The following ANKRD12 variants were observed in gnomAD, a reference collection of about 807,000 sequenced individuals.
ANKRD12 encodes ankyrin repeat domain-containing protein 12.
A neutral mutation model predicts 183.4 loss-of-function variants in ANKRD12; 85 were observed. That is an observed-to-expected ratio of 0.46 (90% CI 0.39 to 0.56). The LOEUF (loss-of-function observed/expected upper bound fraction) is 0.56, where lower values mean the gene tolerates loss of function less well. Ranked by LOEUF, ANKRD12 falls within the 20% of genes least tolerant of loss-of-function variation. The probability of loss-of-function intolerance (pLI) is 0.00; values close to 1 mark genes in which losing one functional copy is unlikely to be tolerated. For missense variants in ANKRD12, 2,405 were observed against 2,357.1 expected (o/e 1.02, Z -0.42); for synonymous variants, 914 against 800.2 (o/e 1.14, Z -2.40).
chr18:9,255,883 G>A lies in ANKRD12; in HGVS notation c.2616G>A (p.Lys872=), dbSNP rs1461619524. The change falls in exon 9 of 13, where the codon AAG becomes AAA. Residue 872 remains lysine (K), a synonymous_variant. Coordinates refer to ENST00000262126, the MANE Select transcript of ANKRD12 (RefSeq NM_015208.5). The stretch of plus-strand genomic sequence containing the variant: ...TTGATAAAATAAAAGAAAAGGACAA[G>A]CTATATTCGCATCACACAGAAAAAT... ...ECVDKIKEKD[K]LYSHHTEKCH... is the part of the protein sequence containing the mutation. 2 of 1,595,678 alleles carry A rather than the reference G, an allele frequency of 1.3e-6. No homozygotes were observed. Among genetic ancestry groups the A allele is most frequent in the African/African-American group, 1.4e-5 (1 of 73,802 alleles).
In ANKRD12 at chr18:9,254,281, C is replaced by T; in HGVS notation, c.1014C>T (p.Asp338=). The change falls in exon 9 of 13, where the codon GAC becomes GAT. Residue 338 remains aspartate, a synonymous_variant. Coordinates refer to ENST00000262126, the MANE Select transcript of ANKRD12 (RefSeq NM_015208.5). The stretch of plus-strand genomic sequence containing the variant: ...ATATTGACTCTGAAACAGAGAAAGA[C>T]TCTCTCATCTGTGAAAGTAAACAGA... ...DENIDSETEK[D]SLICESKQIL... The T allele has an allele frequency of 6.2e-7, 1 of 1,610,910 alleles. No individual in the cohort carries two copies. Among genetic ancestry groups the T allele is most frequent in the Non-Finnish European group, 8.5e-7 (1 of 1,178,812 alleles).
chr18:9,193,135 A>AT (rs397751904), intron 2 of ANKRD12, among the ~76,000 whole-genome samples: 17,010 of 128,396 alleles, frequency 0.13, 1,448 homozygotes, highest in Middle Eastern at 0.21. Context: ...TGAGTACAGC[A>AT]TTTTTTTTTT....
intron 7 of ANKRD12, among the ~76,000 whole-genome samples, chr18:9,217,208 T>C (rs996232435): frequency 6.6e-6 from 1 of 152,334 alleles, no homozygotes; most frequent in African/African-American, 2.4e-5. Flanking sequence ...GTAAAAATTG[T>C]ACAGTGTTGA....
intron 8 of ANKRD12, among the ~76,000 whole-genome samples, chr18:9,241,564 T>C (rs539819455): frequency 2.6e-5 from 4 of 152,320 alleles, no homozygotes; most frequent in African/African-American, 9.6e-5. Context: ...CTTTGTCACA[T>C]ATCCCTGTGA....
chr18:9,275,785 GA>G (rs1200570368), intron 11 of ANKRD12, 118 bp downstream of exon 11: 8 of 1,037,682 alleles, frequency 7.7e-6, no homozygotes, highest in East Asian at 2.7e-5. Flanking sequence ...GGTCAAAGAA[GA>G]AAAAAAACTC....
At chr18:9,174,853 C>T (rs1394303869) in intron 1 of ANKRD12, among the ~76,000 whole-genome samples, 1 of 31,554 alleles carries the variant, frequency 3.2e-5, no homozygotes, top group Non-Finnish European at 1.0e-4. Context: ...AATCCCAGTG[C>T]TTTGTGAAAC....
chr18:9,270,142 G>A (rs1233126711), intron 10 of ANKRD12, among the ~76,000 whole-genome samples: 2 of 152,188 alleles, frequency 1.3e-5, no homozygotes, highest in East Asian at 3.8e-4. Context: ...TGGAGAAATA[G>A]GAATACTTTT....
intron 1 of ANKRD12, among the ~76,000 whole-genome samples, chr18:9,166,207 A>G (rs562614831): frequency 3.2e-4 from 48 of 152,336 alleles, no homozygotes; most frequent in African/African-American, 1.2e-3. Flanking sequence ...TTATAGCAGC[A>G]TGATTTGTAA....
At chr18:9,156,137 C>CA (rs34154495) in intron 1 of ANKRD12, among the ~76,000 whole-genome samples, 20,421 of 103,914 alleles carry the variant, frequency 0.2, 2,322 homozygotes, top group African/African-American at 0.27. Flanking sequence ...GACTCTGTCT[C>CA]AAAAAAAAAA....
chr18:9,151,258 G>C (rs558662654), intron 1 of ANKRD12, among the ~76,000 whole-genome samples: 1 of 152,080 alleles, frequency 6.6e-6, no homozygotes, highest in African/African-American at 2.4e-5. Flanking sequence ...GAATTAAGCT[G>C]CTTGTTCGGT....
At chr18:9,190,802 G>C (rs376427079) in intron 2 of ANKRD12, among the ~76,000 whole-genome samples, 1 of 152,160 alleles carries the variant, frequency 6.6e-6, no homozygotes, top group African/African-American at 2.4e-5. Context: ...TTTTAGACAT[G>C]ATAGTATTGC....
intron 1 of ANKRD12, among the ~76,000 whole-genome samples, chr18:9,176,184 C>T (rs941552637): frequency 1.1e-4 from 17 of 152,120 alleles, no homozygotes; most frequent in African/African-American, 4.1e-4. Flanking sequence ...GATAGGTGAA[C>T]ATTTTTGTTT....
At chr18:9,239,183 AT>A (rs1182323376) in intron 8 of ANKRD12, among the ~76,000 whole-genome samples, 1 of 152,236 alleles carries the variant, frequency 6.6e-6, no homozygotes, top group Non-Finnish European at 1.5e-5. Flanking sequence ...GTTAACTGTT[AT>A]GCTATTCTAA....
intron 8 of ANKRD12, among the ~76,000 whole-genome samples, chr18:9,248,495 T>G (rs555516068): frequency 1.3e-5 from 2 of 152,364 alleles, no homozygotes; most frequent in South Asian, 4.1e-4. Context: ...GCTTCACAAT[T>G]GAACAGTCTT....
At chr18:9,191,613 G>C (rs1451331479) in intron 2 of ANKRD12, among the ~76,000 whole-genome samples, 1 of 152,034 alleles carries the variant, frequency 6.6e-6, no homozygotes, top group Non-Finnish European at 1.5e-5. Flanking sequence ...CTGGAGTTTT[G>C]TTGGTTAACC....
chr18:9,187,441 C>G (rs932335212), intron 2 of ANKRD12, among the ~76,000 whole-genome samples: 1 of 152,064 alleles, frequency 6.6e-6, no homozygotes, highest in Non-Finnish European at 1.5e-5. Context: ...AGTTCTCTTA[C>G]GTAAGTAGAG....
At chr18:9,269,481 C>G (rs1271974133) in intron 10 of ANKRD12, among the ~76,000 whole-genome samples, 1 of 152,188 alleles carries the variant, frequency 6.6e-6, no homozygotes, top group Non-Finnish European at 1.5e-5. Context: ...CTACAACCAT[C>G]TGATCTTTGA....
intron 10 of ANKRD12, among the ~76,000 whole-genome samples, chr18:9,269,003 G>A (rs2039455215): frequency 6.6e-6 from 1 of 152,126 alleles, no homozygotes; most frequent in African/African-American, 2.4e-5. Flanking sequence ...CAAATCATGA[G>A]TGAACTCCCA....
In ANKRD12 at chr18:9,139,437, T is replaced by TA. The variant is rs1016294399; in HGVS notation, c.-52+2481dup. Among the ~76,000 whole-genome samples the TA allele has an allele frequency of 1.9e-3, 295 of 151,632 alleles. 1 individual carries two copies. Among genetic ancestry groups the TA allele is most frequent in the Middle Eastern group, 3.4e-3 (1 of 292 alleles). On this transcript the variant is annotated intron_variant, in intron 1 of 12. Coordinates refer to ENST00000262126, the MANE Select transcript of ANKRD12 (RefSeq NM_015208.5). Reference sequence around the variant, plus strand: ...TCGTTGGAGAAGAGATTTTTATTCTTAAAAAAAAATAAGTGATTTTTAAAA... The same window carrying TA: ...TCGTTGGAGAAGAGATTTTTATTCTTAAAAAAAAAATAAGTGATTTTTAAAA...
Sources: gnomAD v4.1 joint callset for allele counts (sites outside exome capture counted in the v4.1 genomes callset) on GRCh38, gnomAD v4.1.1 for gene constraint, MANE v1.5 for transcripts, NCBI Gene and HGNC (gene_info 2026-07-23, HGNC 2026-07-21) for gene names.